DDX1: variants seen among roughly 807,000 people sequenced by gnomAD.
DDX1 encodes DEAD-box helicase 1, also known as ATP-dependent RNA helicase DDX1.
DDX1 carries 28 observed loss-of-function variants against 108.7 expected under a neutral mutation model. The ratio of observed to expected loss-of-function variants is 0.26; its 90% CI spans 0.19 to 0.35. The LOEUF (loss-of-function observed/expected upper bound fraction) is 0.35. Ranked by LOEUF, DDX1 falls within the 10% of genes least tolerant of loss-of-function variation. DDX1 has a pLI of 1.00. For missense variants in DDX1, 710 were observed against 884.5 expected, an observed-to-expected ratio of 0.80 and a Z score of 2.50; for synonymous variants, 295 against 288.9, an observed-to-expected ratio of 1.02 and a Z score of -0.21.
rs917230136 is a variant in DDX1 at position 15,591,903 on chromosome 2, A to T, written c.-31A>T. 2.7e-6 allele frequency: 4 copies of T among 1,464,766 alleles called. No individual in the cohort carries two copies. The highest frequency in any genetic ancestry group is 1.8e-4 in the Middle Eastern group (1 of 5,608). The allele number at this position is 1,464,766 out of a possible 1,614,324, so 90.7% of individuals were successfully genotyped here. A position where few individuals can be genotyped will look rare whatever the true frequency, so the allele number is the denominator to read the frequency against. The stretch of plus-strand genomic sequence containing the variant: ...CGTGTCAGTCGGGAGGGAGGGAGCG[A>T]GCAGGCGAAGCCGCGGAGGACGGGG... On this transcript the variant is annotated 5_prime_UTR_variant, in exon 1 of 26. Coordinates refer to ENST00000233084, the MANE Select transcript of DDX1 (RefSeq NM_004939.3).
chr2:15,593,919 A>G (rs1349853117), intron 1 of DDX1, among the ~76,000 whole-genome samples: 2 of 152,020 alleles, frequency 1.3e-5, no homozygotes, highest in Non-Finnish European at 1.5e-5. Context: ...TACTAAAAAT[A>G]TGAAAAAAAA....
intron 9 of DDX1, 27 bp downstream of exon 9, chr2:15,603,917 A>G (rs373610152): frequency 4.7e-6 from 7 of 1,483,448 alleles, no homozygotes; most frequent in Non-Finnish European, 5.6e-6. Flanking sequence ...TGACTTCAAC[A>G]TAGCATAAGT....
At chr2:15,594,075 C>CAA (rs146717238) in intron 1 of DDX1, among the ~76,000 whole-genome samples, 47 of 142,958 alleles carry the variant, frequency 3.3e-4, no homozygotes, top group African/African-American at 5.5e-4. Flanking sequence ...GAGACTGTCT[C>CAA]AAAAAAAAAC....
chr2:15,595,086 G>T, intron 1 of DDX1, 59 bp from the exon 2 acceptor site: 7 of 1,314,972 alleles, frequency 5.3e-6, no homozygotes, highest in Middle Eastern at 3.7e-4. Context: ...GTAATTTTGA[G>T]AGCAATGCAA....
chr2:15,615,916 G>A (rs1188141035), intron 14 of DDX1, among the ~76,000 whole-genome samples: 1 of 151,892 alleles, frequency 6.6e-6, no homozygotes, highest in East Asian at 1.9e-4. Context: ...TTTTGGAGAT[G>A]GAGTCTCGTT....
At position 15,591,930 on chromosome 2, in the gene DDX1, G is replaced by A; in HGVS notation, c.-4G>A. ...CAGGCGAAGCCGCGGAGGACGGGGTGAAGATGGCGGCCTTCTCCGGTGCGT... is the reference window on the plus strand; with the variant it reads ...CAGGCGAAGCCGCGGAGGACGGGGTAAAGATGGCGGCCTTCTCCGGTGCGT... On this transcript the variant is annotated 5_prime_UTR_variant, in exon 1 of 26. Coordinates refer to ENST00000233084, the MANE Select transcript of DDX1 (RefSeq NM_004939.3). 5 of 1,450,414 alleles carry A rather than the reference G, an allele frequency of 3.4e-6. No individual in the cohort carries two copies. The highest frequency in any genetic ancestry group is 4.5e-6 in the Non-Finnish European group (5 of 1,101,396). 89.8% of individuals were successfully genotyped at this position (1,450,414 alleles called of 1,614,324 possible).
At chr2:15,608,204 C>G (rs913611612) in intron 13 of DDX1, among the ~76,000 whole-genome samples, 1 of 152,166 alleles carries the variant, frequency 6.6e-6, no homozygotes, top group Admixed American at 6.5e-5. Flanking sequence ...AAACTTGAAA[C>G]ATTCACACAC....
In DDX1 at chr2:15,591,904, GC is replaced by G; in HGVS notation, c.-29del. On this transcript the variant is annotated 5_prime_UTR_variant, in exon 1 of 26. Transcript: ENST00000233084. ...GTGTCAGTCGGGAGGGAGGGAGCGA[GC>G]AGGCGAAGCCGCGGAGGACGGGGTG... 1 of 1,466,378 alleles carries G rather than the reference GC, an allele frequency of 6.8e-7. No homozygotes were observed. Among genetic ancestry groups the G allele is most frequent in the Non-Finnish European group, 9.0e-7 (1 of 1,108,224 alleles). The allele number at this position is 1,466,378 out of a possible 1,614,324, so 90.8% of individuals were successfully genotyped here. A position where few individuals can be genotyped will look rare whatever the true frequency, so the allele number is the denominator to read the frequency against.
chr2:15,609,676 G>A (rs761797986), intron 13 of DDX1, among the ~76,000 whole-genome samples: 1 of 152,046 alleles, frequency 6.6e-6, no homozygotes, highest in Non-Finnish European at 1.5e-5. Context: ...GTGTATGTGT[G>A]TTTACCTTCT....
chr2:15,617,199 C>T, intron 14 of DDX1, 45 bp from the exon 15 acceptor site: 2 of 989,652 alleles, frequency 2.0e-6, no homozygotes, highest in East Asian at 2.6e-5. Context: ...CGTAATTATA[C>T]TGTTTCTTTA....
rs1261217525 is a variant in DDX1 at position 15,630,989 on chromosome 2, CAGTATTTAT to C, written c.*88_*96del. Reference sequence around the variant, plus strand: ...AAACAGTTGTACTGCTTCCAAGCAGCAGTATTTATAGTAACGTAAGCTATTAATGCTAAC... The same window carrying C: ...AAACAGTTGTACTGCTTCCAAGCAGCAGTAACGTAAGCTATTAATGCTAAC... On this transcript the variant is annotated 3_prime_UTR_variant, in exon 26 of 26. Transcript: ENST00000233084. 5 of 1,375,438 alleles carry C rather than the reference CAGTATTTAT, an allele frequency of 3.6e-6. No individual in the cohort carries two copies. In the African/African-American group the frequency reaches 5.7e-5, roughly 16 times the overall value. The allele number at this position is 1,375,438 out of a possible 1,614,324, so 85.2% of individuals were successfully genotyped here. A position where few individuals can be genotyped will look rare whatever the true frequency, so the allele number is the denominator to read the frequency against.
chr2:15,622,027 A>T (rs1666019532), intron 18 of DDX1, among the ~76,000 whole-genome samples: 1 of 152,192 alleles, frequency 6.6e-6, no homozygotes, highest in South Asian at 2.1e-4. Context: ...TTTTATATTG[A>T]CCCTGAATTC....
chr2:15,612,568 G>A (rs1311245703), intron 13 of DDX1, among the ~76,000 whole-genome samples: 4 of 151,146 alleles, frequency 2.6e-5, no homozygotes, highest in African/African-American at 7.3e-5. Context: ...GATGATGGGC[G>A]GCCAGGCAGA....
At chr2:15,593,142 G>A (rs557176506) in intron 1 of DDX1, among the ~76,000 whole-genome samples, 8 of 152,118 alleles carry the variant, frequency 5.3e-5, no homozygotes, top group African/African-American at 1.4e-4. Flanking sequence ...GGCTGGTCTC[G>A]AACTCCTGAC....
chr2:15,597,317 TATTAA>T (rs754638509), intron 4 of DDX1, 53 bp from the exon 5 acceptor site: 7 of 1,053,828 alleles, frequency 6.6e-6, no homozygotes, highest in Middle Eastern at 2.4e-4. Context: ...TTATATTGGT[TATTAA>T]ATTGTCGTTA....
intron 6 of DDX1, among the ~76,000 whole-genome samples, chr2:15,600,755 T>C (rs1233647487): frequency 1.5e-5 from 2 of 134,868 alleles, no homozygotes; most frequent in South Asian, 2.5e-4. Flanking sequence ...TTTTTTTTTT[T>C]TTTTTTTTTT....
chr2:15,621,079 T>C lies in DDX1; in HGVS notation c.1410T>C (p.His470=), dbSNP rs1665997107. 1 of 1,609,340 alleles carries C rather than the reference T, an allele frequency of 6.2e-7. No individual in the cohort carries two copies. Among genetic ancestry groups the C allele is most frequent in the Non-Finnish European group, 8.5e-7 (1 of 1,176,636 alleles). Residue 470 remains histidine (H), a synonymous_variant, in exon 18 of 26, where the codon CAT becomes CAC. Coordinates refer to ENST00000233084, the MANE Select transcript of DDX1 (RefSeq NM_004939.3). ...GCTTTTGATAGACTGATGATGTACA[T>C]GCAAAAGATAACACAAGACCTGGTG... The part of the protein sequence containing the change: ...GKSHIRTDDV[H]AKDNTRPGAN...
At chr2:15,607,645 G>A (rs756867987) in intron 13 of DDX1, among the ~76,000 whole-genome samples, 20 of 152,010 alleles carry the variant, frequency 1.3e-4, no homozygotes, top group Non-Finnish European at 2.8e-4. Context: ...GGAGTGTAGT[G>A]ATATGATTGT....
At chr2:15,603,352 A>AATAAATTTAACC (rs1665616680) in intron 8 of DDX1, 77 bp downstream of exon 8, 3 of 997,486 alleles carry the variant, frequency 3.0e-6, no homozygotes, top group Non-Finnish European at 4.6e-6. Context: ...GAAGCAAAAT[A>AATAAATTTAACC]ATAAATTTAA....
Sources: allele counts gnomAD v4.1 joint callset (sites outside exome capture counted in the v4.1 genomes callset), GRCh38; gene constraint gnomAD v4.1.1; transcripts MANE v1.5; gene names NCBI Gene and HGNC (gene_info 2026-07-23, HGNC 2026-07-21).